Variants in KCMF1 observed in about 807,000 individuals in gnomAD.
KCMF1 encodes the protein potassium channel modulatory factor 1.
In KCMF1, 3 loss-of-function variants were observed where a neutral mutation model predicts 41.1. The observed-to-expected ratio is 0.07, with a 90% CI of 0.03 to 0.19. KCMF1 has a LOEUF of 0.19. KCMF1 is among the 10% of genes least tolerant of loss of function. The pLI, the probability that KCMF1 is intolerant of heterozygous loss-of-function variation, is 1.00. For synonymous variants in KCMF1, 142 were observed against 164.5 expected, an observed-to-expected ratio of 0.86 and a Z score of 1.04; for missense variants, 286 against 488.9, an observed-to-expected ratio of 0.58 and a Z score of 3.91.
At chr2:85,050,148 CTAAAA>C (rs1386488769) in intron 6 of KCMF1, among the ~76,000 whole-genome samples, 2 of 152,078 alleles carry the variant, frequency 1.3e-5, no homozygotes, top group African/African-American at 2.4e-5. Context: ...GACCCTGTCT[CTAAAA>C]TAAAATAACT....
At chr2:84,973,379 G>A (rs1181109657) in intron 1 of KCMF1, among the ~76,000 whole-genome samples, 2 of 152,184 alleles carry the variant, frequency 1.3e-5, no homozygotes, top group African/African-American at 4.8e-5. Flanking sequence ...ATTTGGTGCT[G>A]TGCAAAGGTG....
intron 3 of KCMF1, among the ~76,000 whole-genome samples, chr2:85,036,610 A>G (rs1675408707): frequency 6.6e-6 from 1 of 151,998 alleles, no homozygotes; most frequent in African/African-American, 2.4e-5. Flanking sequence ...CCTGGACAAC[A>G]AAGTGGGGCC....
chr2:84,987,223 G>T (rs1673922957), intron 1 of KCMF1, among the ~76,000 whole-genome samples: 1 of 152,252 alleles, frequency 6.6e-6, no homozygotes, highest in Non-Finnish European at 1.5e-5. Flanking sequence ...CATACAGATT[G>T]TGGGACAGAG....
At chr2:85,013,186 C>G (rs17710619) in intron 1 of KCMF1, among the ~76,000 whole-genome samples, 1 of 152,074 alleles carries the variant, frequency 6.6e-6, no homozygotes, top group Admixed American at 6.6e-5. Flanking sequence ...TCCTTATTCC[C>G]CATTTAGGCT....
chr2:85,005,183 A>G (rs1157344451), intron 1 of KCMF1, among the ~76,000 whole-genome samples: 1 of 152,172 alleles, frequency 6.6e-6, no homozygotes, highest in East Asian at 1.9e-4. Flanking sequence ...CTGGCATTAC[A>G]GGCATGAGCC....
rs34687477 is a variant in KCMF1, at chr2:84,982,389, C to CTTTTTTTTTTTTTT, written c.16+10942_16+10955dup. Among the ~76,000 whole-genome samples the CTTTTTTTTTTTTTT allele has an allele frequency of 1.8e-3, 83 of 47,266 alleles. 17 individuals carry two copies. The highest frequency in any genetic ancestry group is 3.1e-3 in the African/African-American group (35 of 11,238). The allele number at this position is 47,266 out of a possible 152,430, so 31.0% of individuals were successfully genotyped here. A position where few individuals can be genotyped will look rare whatever the true frequency, so the allele number is the denominator to read the frequency against. On this transcript the variant is annotated intron_variant, in intron 1 of 6. Transcript: ENST00000409785. ...GAGTTACAGATGTGTTCCTTATTTTCTTTTTTTTTTTTTTTTTTTTTTTTT... is the reference window on the plus strand; with the variant it reads ...GAGTTACAGATGTGTTCCTTATTTTCTTTTTTTTTTTTTTTTTTTTTTTTTTTTTTTTTTTTTTT...
rs1675683027 is a variant in KCMF1 at position 85,047,002 on chromosome 2, ATTAAAC to A, written c.601+727_601+732del. ...TATAAATTAGGTGCCTAATTTATAA[ATTAAAC>A]TTTAGCACAACAGATAAGTATGTAT... On this transcript the variant is annotated intron_variant, in intron 5 of 6. Transcript: ENST00000409785. Among the ~76,000 whole-genome samples the A allele has an allele frequency of 2.6e-5, 4 of 152,326 alleles. No homozygotes were observed. In the South Asian group the frequency reaches 8.3e-4, roughly 32 times the overall value.
intron 1 of KCMF1, among the ~76,000 whole-genome samples, chr2:84,999,578 C>A (rs1026108854): frequency 1.3e-5 from 2 of 152,108 alleles, no homozygotes; most frequent in African/African-American, 2.4e-5. Flanking sequence ...TACCTACTTA[C>A]AATAAATAAG....
At chr2:84,982,389 C>CTTTTTTTTTTTTTTTTTTTTTTTT (rs34687477) in intron 1 of KCMF1, among the ~76,000 whole-genome samples, 1 of 47,254 alleles carries the variant, frequency 2.1e-5, no homozygotes, top group African/African-American at 8.9e-5. Context: ...TCCTTATTTT[C>CTTTTTTTTTTTTTTTTTTTTTTTT]TTTTTTTTTT....
chr2:85,006,835 C>T (rs1039456346), intron 1 of KCMF1, among the ~76,000 whole-genome samples: 3 of 151,014 alleles, frequency 2.0e-5, no homozygotes, highest in African/African-American at 7.3e-5. Context: ...CTCGGCCAGG[C>T]GCGGTGCTCA....
chr2:85,008,277 A>AATAT (rs1157535717), intron 1 of KCMF1, among the ~76,000 whole-genome samples: 2 of 91,386 alleles, frequency 2.2e-5, no homozygotes, highest in African/African-American at 9.3e-5. Context: ...TATAATATAT[A>AATAT]ATATGATATA....
intron 1 of KCMF1, among the ~76,000 whole-genome samples, chr2:84,987,583 T>C (rs1325127709): frequency 2.6e-5 from 4 of 152,100 alleles, no homozygotes; most frequent in Non-Finnish European, 5.9e-5. Flanking sequence ...AAAGAATCAT[T>C]TTCAGCTTTT....
chr2:85,055,854 A>G lies in KCMF1; in HGVS notation c.*2445A>G, dbSNP rs1675915778. Reference sequence around the variant, plus strand: ...GCACCTTCAAATTTCTAAGGACCAGATCCTGAATTTTGAGAATTTTTTGTT... The same window carrying G: ...GCACCTTCAAATTTCTAAGGACCAGGTCCTGAATTTTGAGAATTTTTTGTT... On this transcript the variant is annotated 3_prime_UTR_variant, in exon 7 of 7. Transcript: ENST00000409785. 1 of 152,178 alleles carries G rather than the reference A, an allele frequency of 6.6e-6. No individual in the cohort carries two copies. Among genetic ancestry groups the G allele is most frequent in the South Asian group, 2.1e-4 (1 of 4,832 alleles). The allele number at this position is 152,178 out of a possible 1,614,324, so 9.4% of individuals were successfully genotyped here.
At chr2:85,023,887 A>T (rs1675017659) in intron 1 of KCMF1, among the ~76,000 whole-genome samples, 2 of 152,178 alleles carry the variant, frequency 1.3e-5, no homozygotes. Context: ...TGAAACTTGT[A>T]GTTTCTTACC....
intron 1 of KCMF1, among the ~76,000 whole-genome samples, chr2:85,003,032 G>A (rs1674371762): frequency 6.6e-6 from 1 of 152,090 alleles, no homozygotes; most frequent in Non-Finnish European, 1.5e-5. Flanking sequence ...ATCTAAGCTT[G>A]CTTGTTTATT....
At chr2:85,026,147 C>T (rs549873454) in intron 1 of KCMF1, among the ~76,000 whole-genome samples, 62 of 152,168 alleles carry the variant, frequency 4.1e-4, no homozygotes, top group African/African-American at 1.5e-3. Flanking sequence ...CCCACCACCA[C>T]GCCCGGCTAA....
intron 1 of KCMF1, among the ~76,000 whole-genome samples, chr2:84,973,302 T>C (rs147922286): frequency 1.3e-5 from 2 of 152,208 alleles, no homozygotes; most frequent in Admixed American, 6.5e-5. Flanking sequence ...TTAGAGTAAT[T>C]AAAATCTCAT....
chr2:85,039,962 G>A (rs1466362428), intron 3 of KCMF1, among the ~76,000 whole-genome samples: 1 of 152,024 alleles, frequency 6.6e-6, no homozygotes, highest in Non-Finnish European at 1.5e-5. Flanking sequence ...ACAGGCATGT[G>A]CCACCACGCC....
intron 1 of KCMF1, among the ~76,000 whole-genome samples, chr2:85,002,204 C>T (rs186948410): frequency 1.3e-5 from 2 of 152,284 alleles, no homozygotes; most frequent in African/African-American, 4.8e-5. Flanking sequence ...GGTTTTCAGT[C>T]TCCAGTATAA....
Sources: allele counts gnomAD v4.1 joint callset (sites outside exome capture counted in the v4.1 genomes callset), GRCh38; gene constraint gnomAD v4.1.1; transcripts MANE v1.5; gene names NCBI Gene and HGNC (gene_info 2026-07-23, HGNC 2026-07-21).